The following PDE4DIP variants were observed in gnomAD, a reference collection of about 807,000 sequenced individuals.
PDE4DIP encodes phosphodiesterase 4D interacting protein, also known as myomegalin.
In PDE4DIP, 59 loss-of-function variants were observed where a neutral mutation model predicts 221.4. The ratio of observed to expected loss-of-function variants is 0.27; its 90% CI spans 0.22 to 0.33. PDE4DIP has a LOEUF of 0.33. Ranked by LOEUF, PDE4DIP falls within the 10% of genes least tolerant of loss-of-function variation. The pLI is 1.00. For synonymous variants in PDE4DIP, 404 were observed against 815.9 expected, an observed-to-expected ratio of 0.50 and a Z score of 8.60; for missense variants, 1,036 against 2,154.2, an observed-to-expected ratio of 0.48 and a Z score of 10.28.
At chr1:149,023,007 G>C (rs1245914890) in intron 37 of PDE4DIP, among the ~76,000 whole-genome samples, 5 of 152,302 alleles carry the variant, frequency 3.3e-5, no homozygotes, top group Non-Finnish European at 7.3e-5. Context: ...GAAAGAGAGA[G>C]AGGAACATCA....
At chr1:149,032,032 C>T in exon 44 of PDE4DIP, 3 of 1,611,338 alleles carry the variant, frequency 1.9e-6, no homozygotes, top group East Asian at 2.2e-5. Flanking sequence ...ACCAGAAGTC[C>T]TTAAAACAGC....
Position 148,954,726 on chromosome 1 carries a change from T to A in PDE4DIP, c.637-5928T>A, listed in dbSNP as rs369208600. On this transcript the variant is annotated intron_variant, in intron 5 of 43. Transcript: ENST00000369354. ...CTATTCGTGTCTGCCCAATTGATTCTGTACCAACCTTTTAAATTCAACTAT... is the reference window on the plus strand; with the variant it reads ...CTATTCGTGTCTGCCCAATTGATTCAGTACCAACCTTTTAAATTCAACTAT... Among the ~76,000 whole-genome samples the A allele has an allele frequency of 3.9e-5, 6 of 152,212 alleles. No individual in the cohort carries two copies. The Middle Eastern group carries it at 0.01, about 259-fold the overall frequency.
chr1:148,975,297 T>C (rs2059951208), intron 17 of PDE4DIP, among the ~76,000 whole-genome samples: 1 of 147,082 alleles, frequency 6.8e-6, no homozygotes, highest in Non-Finnish European at 1.5e-5. Flanking sequence ...AAACGAGAAA[T>C]TTGAGTATAA....
At chr1:149,017,805 A>G in exon 34 of PDE4DIP, 1 of 1,610,186 alleles carries the variant, frequency 6.2e-7, no homozygotes. Context: ...CAGCGCCTGG[A>G]GGAATCCATC....
chr1:148,952,912 T>C (rs782050974), intron 5 of PDE4DIP: 1 of 1,582,042 alleles, frequency 6.3e-7, no homozygotes, highest in South Asian at 1.1e-5. Flanking sequence ...TCCCCCGCGA[T>C]GGCAAAGCCG....
At chr1:149,017,870 C>T (rs201187446) in exon 34 of PDE4DIP, 456 of 1,613,130 alleles carry the variant, frequency 2.8e-4, no homozygotes, top group Admixed American at 6.7e-4. Flanking sequence ...CTCTACTGCT[C>T]GTGGAAGGGG....
Position 149,016,425 on chromosome 1 carries a change from G to A in PDE4DIP, c.5393G>A (p.Arg1798Lys), listed in dbSNP as rs587595793. The change falls in exon 33 of 44, where the codon AGA becomes AAA. Residue 1798 changes from arginine to lysine, a missense_variant. Transcript: ENST00000369354. Reference sequence around the variant, plus strand: ...CCAAGGGGCACCATAGAACTGGGAAGAATCCTAGAGCCTGGGTACCTGGGC... The same window carrying A: ...CCAAGGGGCACCATAGAACTGGGAAAAATCCTAGAGCCTGGGTACCTGGGC... 90 of 1,128,220 alleles carry A rather than the reference G, an allele frequency of 8.0e-5. No homozygotes were observed. In the South Asian group the frequency reaches 1.0e-3, roughly 13 times the overall value. The allele number at this position is 1,128,220 out of a possible 1,614,324, so 69.9% of individuals were successfully genotyped here.
rs1351527139 is a variant in PDE4DIP, at chr1:149,017,888, G to C, written c.5650+9G>C. 6.3e-7 allele frequency: 1 copy of C among 1,586,644 alleles called. No homozygotes were observed. Among genetic ancestry groups the C allele is most frequent in the African/African-American group, 1.4e-5 (1 of 73,722 alleles). On this transcript the variant is annotated intron_variant, in intron 34 of 43. Coordinates refer to ENST00000369354, the Ensembl canonical transcript of PDE4DIP. Reference sequence around the variant, plus strand: ...TACTGCTCGTGGAAGGGGTAGGAGAGGCCCAGACCTTCCTGTTTCTGGCTC... The same window carrying C: ...TACTGCTCGTGGAAGGGGTAGGAGACGCCCAGACCTTCCTGTTTCTGGCTC...
At chr1:149,032,230 C>A in exon 44 of PDE4DIP, 1 of 647,824 alleles carries the variant, frequency 1.5e-6, no homozygotes, top group South Asian at 1.9e-5. Flanking sequence ...CCACTTGGCC[C>A]AGCACTAAGA....
chr1:149,028,665 C>G (rs782425233), exon 41 of PDE4DIP: 46 of 1,600,184 alleles, frequency 2.9e-5, no homozygotes, highest in Non-Finnish European at 3.7e-5. Flanking sequence ...GAGAGCGGCC[C>G]TGCCAAGCAC....
intron 21 of PDE4DIP, chr1:148,982,711 GA>G (rs1553544731): frequency 1.3e-5 from 2 of 152,152 alleles, no homozygotes; most frequent in African/African-American, 2.4e-5. Context: ...TGGAATTTGG[GA>G]ACAGGGATTG....
rs200560228 is a variant in PDE4DIP at position 148,857,363 on chromosome 1, T to C, written c.234-5887T>C. Among the ~76,000 whole-genome samples the C allele has an allele frequency of 7.2e-4, 32 of 44,548 alleles. 10 individuals carry two copies. In the East Asian group the frequency reaches 0.039, roughly 55 times the overall value. 29.2% of individuals were successfully genotyped at this position (44,548 alleles called of 152,430 possible). On this transcript the variant is annotated intron_variant, in intron 1 of 45. Transcript: ENST00000524974. Reference sequence around the variant, plus strand: ...AGTGCAAATCTTAGCCCCTTTCTTTTTTTTTTTTTTTTTTTTGAGACGGAG... The same window carrying C: ...AGTGCAAATCTTAGCCCCTTTCTTTCTTTTTTTTTTTTTTTTGAGACGGAG...
At chr1:148,986,698 T>G (rs2061966144) in intron 21 of PDE4DIP, among the ~76,000 whole-genome samples, 1 of 152,156 alleles carries the variant, frequency 6.6e-6, no homozygotes, top group African/African-American at 2.4e-5. Context: ...TCCCCGGAAA[T>G]GTCACATAGG....
intron 12 of PDE4DIP, 146 bp from the exon 16 acceptor site, chr1:148,967,577 TTAG>T (rs1449871509): frequency 1.7e-6 from 1 of 597,436 alleles, no homozygotes; most frequent in African/African-American, 1.8e-5. Context: ...AAAAAATAGA[TTAG>T]TATGGCATTG....
chr1:148,944,365 G>A (rs1181818261), intron 5 of PDE4DIP, among the ~76,000 whole-genome samples: 18 of 148,006 alleles, frequency 1.2e-4, no homozygotes, highest in African/African-American at 4.3e-4. Flanking sequence ...GAATATAGGG[G>A]GACAGAAAAA....
At chr1:149,020,966 C>T (rs642016) in intron 36 of PDE4DIP, 63 bp from the exon 40 acceptor site, 51,829 of 1,044,676 alleles carry the variant, frequency 0.05, 4,789 homozygotes, top group East Asian at 0.24. Flanking sequence ...GGCTCTCAGC[C>T]TGTTGCTCTG....
At chr1:148,922,737 G>A (rs1553462632) in intron 1 of PDE4DIP, among the ~76,000 whole-genome samples, 1 of 148,590 alleles carries the variant, frequency 6.7e-6, no homozygotes, top group East Asian at 2.1e-4. Flanking sequence ...ACAGGTGCCC[G>A]CCACCACACC....
exon 20 of PDE4DIP, chr1:148,979,742 G>A (rs781867127): frequency 6.2e-7 from 1 of 1,612,834 alleles, no homozygotes; most frequent in Admixed American, 1.7e-5. Flanking sequence ...CTCAGTTGCT[G>A]CTGATGCTAG....
intron 3 of PDE4DIP, among the ~76,000 whole-genome samples, chr1:148,874,925 G>A (rs1690512535): frequency 6.7e-6 from 1 of 150,050 alleles, no homozygotes; most frequent in African/African-American, 2.5e-5. Flanking sequence ...GAAGTCTTTG[G>A]GGAGAAAAAA....
Sources: allele counts gnomAD v4.1 joint callset (sites outside exome capture counted in the v4.1 genomes callset), GRCh38; gene constraint gnomAD v4.1.1; transcripts MANE v1.5; gene names NCBI Gene and HGNC (gene_info 2026-07-23, HGNC 2026-07-21).